Variants in FGF14 observed in about 807,000 individuals in gnomAD.
FGF14 encodes fibroblast growth factor homologous factor 4.
A neutral mutation model predicts 25.5 loss-of-function variants in FGF14; 5 were observed. That is an observed-to-expected ratio of 0.20 (90% CI 0.10 to 0.41). FGF14 has a LOEUF of 0.41. Among genes scored for constraint, FGF14 ranks in the 10% least tolerant of loss-of-function variants. FGF14 has a pLI of 1.00. For missense variants in FGF14, 222 were observed against 320.1 expected, an observed-to-expected ratio of 0.69 and a Z score of 2.34; for synonymous variants, 138 against 118.3, an observed-to-expected ratio of 1.17 and a Z score of -1.08.
At chr13:102,358,856 G>A (rs953319819) in intron 1 of FGF14, among the ~76,000 whole-genome samples, 6 of 152,026 alleles carry the variant, frequency 3.9e-5, no homozygotes, top group African/African-American at 9.7e-5. Context: ...AATCTGATAC[G>A]TGCCAGCCAC....
At chr13:101,726,155 AC>A (rs1457364451) in intron 4 of FGF14, among the ~76,000 whole-genome samples, 6 of 152,104 alleles carry the variant, frequency 3.9e-5, no homozygotes, top group African/African-American at 1.4e-4. Context: ...ATAATAATCC[AC>A]AAGTAGGTAA....
At chr13:101,825,890 T>C (rs1045417424) in intron 3 of FGF14, among the ~76,000 whole-genome samples, 11 of 152,136 alleles carry the variant, frequency 7.2e-5, no homozygotes, top group African/African-American at 2.7e-4. Flanking sequence ...TTTCCTGATA[T>C]AAAGTTTTTG....
chr13:102,135,341 C>T (rs2046368511), intron 1 of FGF14, among the ~76,000 whole-genome samples: 1 of 152,164 alleles, frequency 6.6e-6, no homozygotes, highest in South Asian at 2.1e-4. Context: ...CAGCTAACAT[C>T]TGGTATCAAG....
chr13:102,317,888 C>A (rs1255723668), intron 1 of FGF14, among the ~76,000 whole-genome samples: 1 of 152,200 alleles, frequency 6.6e-6, no homozygotes, highest in Non-Finnish European at 1.5e-5. Flanking sequence ...CCTGCCAGAG[C>A]CTTTCAGTAA....
At chr13:102,325,661 A>AT (rs1391968304) in intron 1 of FGF14, among the ~76,000 whole-genome samples, 1 of 152,166 alleles carries the variant, frequency 6.6e-6, no homozygotes, top group Non-Finnish European at 1.5e-5. Flanking sequence ...TATTTTAGTA[A>AT]TCCTGATCCC....
At chr13:102,198,574 G>A (rs745863688) in intron 1 of FGF14, among the ~76,000 whole-genome samples, 25 of 152,134 alleles carry the variant, frequency 1.6e-4, no homozygotes, top group East Asian at 3.9e-4. Flanking sequence ...TGAACGGAGC[G>A]TCCCTCTGAG....
At chr13:102,123,895 T>C (rs934571102) in intron 1 of FGF14, among the ~76,000 whole-genome samples, 1 of 152,194 alleles carries the variant, frequency 6.6e-6, no homozygotes, top group African/African-American at 2.4e-5. Context: ...GACACATAAA[T>C]GATCGTAGTT....
chr13:102,058,385 A>G (rs2042529274), intron 1 of FGF14, among the ~76,000 whole-genome samples: 1 of 152,224 alleles, frequency 6.6e-6, no homozygotes, highest in Admixed American at 6.5e-5. Context: ...ATTTTTTATC[A>G]GGTAAGGATC....
At chr13:102,188,946 GAGAAAGAAAGAA>G (rs71125054) in intron 1 of FGF14, among the ~76,000 whole-genome samples, 1,360 of 90,878 alleles carry the variant, frequency 0.015, 21 homozygotes, top group East Asian at 0.045. Context: ...AAAGAAAGGA[GAGAAAGAAAGAA>G]AGAAAGAAAG....
At chr13:102,176,842 T>C (rs551815193) in intron 1 of FGF14, among the ~76,000 whole-genome samples, 23 of 152,226 alleles carry the variant, frequency 1.5e-4, no homozygotes, top group African/African-American at 5.5e-4. Context: ...TTCATTAAAT[T>C]GTAAACATTA....
intron 1 of FGF14, among the ~76,000 whole-genome samples, chr13:102,381,152 A>C (rs900038640): frequency 6.6e-6 from 1 of 152,182 alleles, no homozygotes; most frequent in Non-Finnish European, 1.5e-5. Flanking sequence ...GGGCAGTCTG[A>C]ATGCATATTG....
intron 1 of FGF14, among the ~76,000 whole-genome samples, chr13:102,183,701 G>A (rs61965268): frequency 0.057 from 8,709 of 152,200 alleles, 263 homozygotes; most frequent in Non-Finnish European, 0.068. Flanking sequence ...CACAAGCTGA[G>A]ATTTCCCTAC....
chr13:102,337,944 C>T (rs1466871409), intron 1 of FGF14, among the ~76,000 whole-genome samples: 1 of 152,124 alleles, frequency 6.6e-6, no homozygotes, highest in Non-Finnish European at 1.5e-5. Context: ...ATATATAACT[C>T]TTATGTGCAC....
At chr13:102,132,230 G>A (rs115692010) in intron 1 of FGF14, among the ~76,000 whole-genome samples, 272 of 152,058 alleles carry the variant, frequency 1.8e-3, no homozygotes, top group African/African-American at 6.3e-3. Flanking sequence ...AATAGTGTGC[G>A]GCAGAGAGAG....
intron 1 of FGF14, among the ~76,000 whole-genome samples, chr13:102,162,333 A>C (rs992996100): frequency 6.6e-6 from 1 of 152,224 alleles, no homozygotes; most frequent in African/African-American, 2.4e-5. Flanking sequence ...GAAAGCTTTT[A>C]GAAAAACAGA....
intron 1 of FGF14, among the ~76,000 whole-genome samples, chr13:101,925,183 C>T (rs2034281869): frequency 6.6e-6 from 1 of 152,088 alleles, no homozygotes; most frequent in Non-Finnish European, 1.5e-5. Context: ...TAAAAATTGC[C>T]TCTAATCCCA....
At chr13:102,195,541 C>T (rs935667163) in intron 1 of FGF14, among the ~76,000 whole-genome samples, 11 of 151,472 alleles carry the variant, frequency 7.3e-5, no homozygotes, top group Non-Finnish European at 1.2e-4. Flanking sequence ...TAGAAAACAT[C>T]TATTTAGCAT....
At chr13:101,764,169 T>A (rs537261646) in intron 3 of FGF14, among the ~76,000 whole-genome samples, 1 of 152,276 alleles carries the variant, frequency 6.6e-6, no homozygotes, top group South Asian at 2.1e-4. Flanking sequence ...GTTGGTTTTA[T>A]TATTCTTATT....
chr13:101,845,505 C>A (rs2043409586), intron 3 of FGF14, among the ~76,000 whole-genome samples: 1 of 151,854 alleles, frequency 6.6e-6, no homozygotes, highest in Admixed American at 6.6e-5. Context: ...CTGATTATGA[C>A]TTGGGACTAT....
Sources: allele counts gnomAD v4.1 joint callset (sites outside exome capture counted in the v4.1 genomes callset), GRCh38; gene constraint gnomAD v4.1.1; transcripts MANE v1.5; gene names NCBI Gene and HGNC (gene_info 2026-07-23, HGNC 2026-07-21).